The following LYST variants were observed in gnomAD, a reference collection of about 807,000 sequenced individuals.
The protein encoded by LYST is lysosomal trafficking regulator.
A neutral mutation model predicts 413.6 loss-of-function variants in LYST; 192 were observed. The observed-to-expected ratio is 0.46, with a 90% CI of 0.41 to 0.52. LYST has a LOEUF of 0.52. LYST is among the 20% of genes least tolerant of loss of function. The probability of loss-of-function intolerance (pLI) is 0.00; values close to 1 mark genes in which losing one functional copy is unlikely to be tolerated. For synonymous variants in LYST, 1,525 were observed against 1,567.3 expected, an observed-to-expected ratio of 0.97 and a Z score of 0.64; for missense variants, 3,815 against 4,499.9, an observed-to-expected ratio of 0.85 and a Z score of 4.35.
Position 235,770,067 on chromosome 1 carries a change from G to A in LYST, c.5922+93C>T. 5.3e-6 allele frequency: 6 copies of A among 1,123,366 alleles called. No individual in the cohort carries two copies. The South Asian group carries it at 5.4e-5, about 10-fold the overall frequency. 69.6% of individuals were successfully genotyped at this position (1,123,366 alleles called of 1,614,324 possible). A position where few individuals can be genotyped will look rare whatever the true frequency, so the allele number is the denominator to read the frequency against. ...AAGATGGAAAAAAAAAAGAAAAAAA[G>A]TCCCATTGAAAGTGCCACAAAAATT... On this transcript the variant is annotated intron_variant, in intron 20 of 52. Coordinates refer to ENST00000389793, the MANE Select transcript of LYST (RefSeq NM_000081.4).
At chr1:235,730,290 G>A (rs564125612) in intron 36 of LYST, among the ~76,000 whole-genome samples, 1 of 151,806 alleles carries the variant, frequency 6.6e-6, no homozygotes, top group African/African-American at 2.4e-5. Flanking sequence ...ACTCAACAAC[G>A]CTATGATACC....
At chr1:235,815,337 ATGT>A (rs1342618382) in intron 3 of LYST, among the ~76,000 whole-genome samples, 1 of 152,210 alleles carries the variant, frequency 6.6e-6, no homozygotes, top group African/African-American at 2.4e-5. Context: ...TTCAGATATA[ATGT>A]TGTGCTATGA....
chr1:235,720,593 A>G, intron 40 of LYST, 68 bp downstream of exon 40: 1 of 1,529,106 alleles, frequency 6.5e-7, no homozygotes. Context: ...TTTCATAATG[A>G]AAACTTTAAT....
intron 16 of LYST, among the ~76,000 whole-genome samples, chr1:235,778,104 T>C (rs768759954): frequency 6.9e-6 from 1 of 144,496 alleles, no homozygotes; most frequent in Non-Finnish European, 1.5e-5. Flanking sequence ...GTTAAATATA[T>C]ATATATATAT....
At chr1:235,770,128 T>C (rs1239269079) in intron 20 of LYST, 32 bp downstream of exon 20, 2 of 1,607,846 alleles carry the variant, frequency 1.2e-6, no homozygotes. Context: ...CTGTGGAATA[T>C]ATTTCCAAAA....
At chr1:235,855,258 C>T (rs1679037082) in intron 1 of LYST, among the ~76,000 whole-genome samples, 1 of 152,072 alleles carries the variant, frequency 6.6e-6, no homozygotes, top group Non-Finnish European at 1.5e-5. Flanking sequence ...ACCACAGATA[C>T]AAGAGTTCAA....
At chr1:235,784,931 G>A (rs745510888) in intron 14 of LYST, among the ~76,000 whole-genome samples, 8 of 152,174 alleles carry the variant, frequency 5.3e-5, no homozygotes, top group East Asian at 1.9e-4. Context: ...CTTCAATTAC[G>A]TATTTTTACA....
At chr1:235,867,752 A>C (rs2103218301), upstream of LYST, among the ~76,000 whole-genome samples, 1 of 152,300 alleles carries the variant, frequency 6.6e-6, no homozygotes, top group South Asian at 2.1e-4. Context: ...CTAGTCACTG[A>C]GACAGCAACG....
At chr1:235,763,837 G>A (rs2799442) in intron 21 of LYST, among the ~76,000 whole-genome samples, 124,718 of 152,038 alleles carry the variant, frequency 0.82, 51,657 homozygotes, top group African/African-American at 0.95. Flanking sequence ...TCTCAACTGG[G>A]TTACTATCAC....
chr1:235,806,599 T>A lies in LYST; in HGVS notation c.2537A>T (p.Gln846Leu), dbSNP rs1416250754. ...CACATGTACAGAGGACAACTCCTTC[T>A]GTTCAATGTCTATCCCATCAATATC... The part of the protein sequence containing the change: ...VPDIDGIDIE[Q>L]KELSSVHVGT... The change falls in exon 6 of 53, where the codon CAG (glutamine) becomes CTG (leucine). Residue 846 changes from glutamine to leucine, a missense_variant. Transcript: ENST00000389793. 6.8e-6 allele frequency: 11 copies of A among 1,614,146 alleles called. No individual in the cohort carries two copies. The highest frequency in any genetic ancestry group is 9.3e-6 in the Non-Finnish European group (11 of 1,179,986).
chr1:235,663,744 C>A (rs1304887567), intron 52 of LYST, among the ~76,000 whole-genome samples: 1 of 152,202 alleles, frequency 6.6e-6, no homozygotes, highest in Non-Finnish European at 1.5e-5. Flanking sequence ...CAGAGACACA[C>A]TACAAGCATG....
chr1:235,844,452 T>C (rs996892960), intron 1 of LYST, among the ~76,000 whole-genome samples: 22 of 152,338 alleles, frequency 1.4e-4, no homozygotes, highest in African/African-American at 5.3e-4. Flanking sequence ...GATTAGTCAC[T>C]GGACTCTACT....
intron 38 of LYST, among the ~76,000 whole-genome samples, chr1:235,725,653 G>C (rs1663804217): frequency 6.6e-6 from 1 of 152,152 alleles, no homozygotes; most frequent in African/African-American, 2.4e-5. Context: ...ATTCAGCAAA[G>C]GGAAAGCAGA....
chr1:235,703,940 C>T (rs1233298281), intron 44 of LYST, among the ~76,000 whole-genome samples: 1 of 151,840 alleles, frequency 6.6e-6, no homozygotes, highest in East Asian at 1.9e-4. Flanking sequence ...GCACCAGTGT[C>T]GTTGTTCCCC....
chr1:235,771,913 GTTTGTTTTTTTTTT>G (rs1668724784), intron 19 of LYST, among the ~76,000 whole-genome samples: 1 of 95,182 alleles, frequency 1.1e-5, no homozygotes, highest in South Asian at 3.8e-4. Context: ...AGGTTTTTTA[GTTTGTTTTTTTTTT>G]TTTTTTTTTT....
intron 22 of LYST, among the ~76,000 whole-genome samples, chr1:235,761,189 C>T (rs115194030): frequency 6.6e-6 from 1 of 152,216 alleles, no homozygotes; most frequent in Non-Finnish European, 1.5e-5. Context: ...TAGAGAATAA[C>T]TGAAACACTT....
Position 235,664,113 on chromosome 1 carries a change from C to A in LYST, c.11196-58G>T. The A allele has an allele frequency of 7.9e-7, 1 of 1,260,226 alleles. No homozygotes were observed. The highest frequency in any genetic ancestry group is 1.2e-5 in the South Asian group (1 of 83,768). The allele number at this position is 1,260,226 out of a possible 1,614,324, so 78.1% of individuals were successfully genotyped here. A position where few individuals can be genotyped will look rare whatever the true frequency, so the allele number is the denominator to read the frequency against. ...ACTAAAATTACTCTCCCTAAAAAGCCCTCTATATTTGTTTATTTGTTAAAA... is the reference window on the plus strand; with the variant it reads ...ACTAAAATTACTCTCCCTAAAAAGCACTCTATATTTGTTTATTTGTTAAAA... On this transcript the variant is annotated intron_variant, in intron 51 of 52. Transcript: ENST00000389793. The surrounding 1 kb of genome is among the most constrained non-coding windows in gnomAD (Gnocchi z 4.5).
chr1:235,760,942 G>A (rs1215816064), intron 22 of LYST, among the ~76,000 whole-genome samples: 1 of 152,084 alleles, frequency 6.6e-6, no homozygotes, highest in African/African-American at 2.4e-5. Flanking sequence ...AATATGTCCT[G>A]TAAAATTCCA....
rs949981190 is a variant in LYST, at chr1:235,815,710, T to C, written c.193-2649A>G. 3.9e-5 allele frequency among the ~76,000 whole-genome samples: 6 copies of C among 152,048 alleles called. No homozygotes were observed. In the East Asian group the frequency reaches 1.2e-3, roughly 29 times the overall value. Reference sequence around the variant, plus strand: ...ACAGTCACAGAAAGAATAAAATACCTAGGAATACAGCTAACCAGGAAGGTG... The same window carrying C: ...ACAGTCACAGAAAGAATAAAATACCCAGGAATACAGCTAACCAGGAAGGTG... On this transcript the variant is annotated intron_variant, in intron 3 of 52. Coordinates refer to ENST00000389793, the MANE Select transcript of LYST (RefSeq NM_000081.4).
Sources: gnomAD v4.1 joint callset for allele counts (sites outside exome capture counted in the v4.1 genomes callset) on GRCh38, gnomAD v4.1.1 for gene constraint, Gnocchi (gnomAD v3.1) non-coding constraint, MANE v1.5 for transcripts, NCBI Gene and HGNC (gene_info 2026-07-23, HGNC 2026-07-21) for gene names.